Variants in SLC12A3 observed in about 807,000 individuals in gnomAD.
SLC12A3 encodes the protein solute carrier family 12 member 3.
A neutral mutation model predicts 121.0 loss-of-function variants in SLC12A3; 104 were observed. The observed-to-expected ratio is 0.86, with a 90% CI of 0.73 to 1.01. The LOEUF (loss-of-function observed/expected upper bound fraction) is 1.01. SLC12A3 is among the 50% of genes least tolerant of loss of function. The pLI is 0.00. For missense variants in SLC12A3, 1,328 were observed against 1,356.3 expected, an observed-to-expected ratio of 0.98 and a Z score of 0.33; for synonymous variants, 536 against 533.4, an observed-to-expected ratio of 1.00 and a Z score of -0.07.
chr16:56,890,960 G>C (rs1344231933), intron 19 of SLC12A3, among the ~76,000 whole-genome samples: 1 of 151,686 alleles, frequency 6.6e-6, no homozygotes, highest in Non-Finnish European at 1.5e-5. Flanking sequence ...GAAAATGCCT[G>C]CAGGAAGATG....
intron 5 of SLC12A3, 105 bp downstream of exon 5, chr16:56,870,340 C>T: frequency 7.8e-7 from 1 of 1,280,996 alleles, no homozygotes; most frequent in Non-Finnish European, 1.1e-6. Context: ...CCTGACTTCA[C>T]CCATCAGGAA....
rs374757689 is a variant in SLC12A3 at position 56,865,565 on chromosome 16, G to A, written c.282+48G>A. ...GGCCACTTCCCTGCTGTGTGACCTC[G>A]ACCCAGCTACCTAACCTCTCTGAGC... On this transcript the variant is annotated intron_variant, in intron 1 of 25. Transcript: ENST00000563236. The A allele has an allele frequency of 7.9e-5, 125 of 1,586,758 alleles. 1 individual carries two copies. Among genetic ancestry groups the A allele is most frequent in the Non-Finnish European group, 9.2e-5 (107 of 1,166,476 alleles).
chr16:56,893,983 ATTTAT>A (rs2144746846), intron 21 of SLC12A3, among the ~76,000 whole-genome samples: 1 of 113,832 alleles, frequency 8.8e-6, no homozygotes, highest in South Asian at 2.6e-4. Flanking sequence ...TTATTTATTT[ATTTAT>A]TTATTTATTT....
chr16:56,908,557 C>T (rs1194050043), intron 25 of SLC12A3, among the ~76,000 whole-genome samples: 2 of 152,168 alleles, frequency 1.3e-5, no homozygotes, highest in Non-Finnish European at 2.9e-5. Context: ...AATGTCAAGA[C>T]GGTGAGAGCA....
At chr16:56,869,434 T>A (rs1964438414) in intron 3 of SLC12A3, among the ~76,000 whole-genome samples, 1 of 152,112 alleles carries the variant, frequency 6.6e-6, no homozygotes, top group African/African-American at 2.4e-5. Context: ...TTCAAGCGAT[T>A]CTCCTGCCTC....
At chr16:56,895,395 T>C (rs1390010911) in intron 22 of SLC12A3, among the ~76,000 whole-genome samples, 1 of 150,832 alleles carries the variant, frequency 6.6e-6, no homozygotes, top group Non-Finnish European at 1.5e-5. Context: ...GGTTTCGCCA[T>C]GTTGGCTAGG....
rs149259406 is a variant in SLC12A3, at chr16:56,870,217, C to T, written c.723C>T (p.Thr241=). ...VAMHTVGFAE[T]VRDLLQEYGA... ...TGCACACGGTGGGCTTTGCAGAGAC[C>T]GTGCGGGACCTGCTCCAGGTGAGGC... The change falls in exon 5 of 26, where the codon ACC becomes ACT. Residue 241 remains threonine (T), a synonymous_variant. Transcript: ENST00000563236. 226 of 1,613,692 alleles carry T rather than the reference C, an allele frequency of 1.4e-4. No homozygotes were observed. In the African/African-American group the frequency reaches 2.1e-3, roughly 15 times the overall value.
Position 56,869,804 on chromosome 16 carries a change from C to T in SLC12A3, c.581C>T (p.Thr194Ile). ...ITGLSISAIS[T>I]NGKVKSGGTY... ...GGCCTCTCCATCTCAGCCATCTCCA[C>T]CAATGGCAAGGTCAAGTCAGGTGGG... Residue 194 changes from threonine to isoleucine, a missense_variant, in exon 4 of 26, where the codon ACC becomes ATC. Physicochemically the swap from Thr to Ile is moderately conservative, Grantham distance 89 (BLOSUM62 -1). Coordinates refer to ENST00000563236, the MANE Select transcript of SLC12A3 (RefSeq NM_001126108.2). 6.2e-7 allele frequency: 1 copy of T among 1,614,016 alleles called. No homozygotes were observed. The highest frequency in any genetic ancestry group is 8.5e-7 in the Non-Finnish European group (1 of 1,179,910).
Position 56,893,005 on chromosome 16 carries a change from G to A in SLC12A3, c.2472G>A (p.Ser824=), listed in dbSNP as rs780175485. Residue 824 remains serine, a synonymous_variant, in exon 21 of 26, where the codon TCG becomes TCA. Transcript: ENST00000563236. ...KEEQATTIFQ[S]EQGKKTIDIY... The stretch of plus-strand genomic sequence containing the variant: ...AGCAGGCCACCACCATCTTCCAGTC[G>A]GAGCAGGGCAAGAAGACCATAGACA... The A allele has an allele frequency of 1.4e-5, 23 of 1,614,090 alleles. No homozygotes were observed. The East Asian group carries it at 2.2e-4, about 16-fold the overall frequency.
intron 3 of SLC12A3, among the ~76,000 whole-genome samples, chr16:56,869,415 C>T (rs1374024543): frequency 1.3e-5 from 2 of 152,098 alleles, no homozygotes; most frequent in Non-Finnish European, 1.5e-5. Flanking sequence ...GCAACCTCCG[C>T]CTCCTGGGTT....
chr16:56,879,418 G>A (rs1462647233), intron 10 of SLC12A3, 124 bp from the exon 11 acceptor site: 1 of 1,060,790 alleles, frequency 9.4e-7, no homozygotes, highest in Non-Finnish European at 1.4e-6. Flanking sequence ...CTCCAGGGGT[G>A]GGTTGTGGAC....
At chr16:56,882,551 C>T in intron 13 of SLC12A3, 54 bp downstream of exon 13, 1 of 1,389,802 alleles carries the variant, frequency 7.2e-7, no homozygotes, top group Non-Finnish European at 1.0e-6. Context: ...GCAGGAGGAA[C>T]TGGGGCATGG....
At chr16:56,868,732 G>T (rs1259932753) in intron 3 of SLC12A3, among the ~76,000 whole-genome samples, 3 of 152,208 alleles carry the variant, frequency 2.0e-5, no homozygotes, top group Non-Finnish European at 4.4e-5. Flanking sequence ...AGCACTTTGG[G>T]AGGCCGAGGC....
chr16:56,912,143 C>T (rs1332334298), intron 25 of SLC12A3, among the ~76,000 whole-genome samples: 8 of 152,218 alleles, frequency 5.3e-5, no homozygotes, highest in Non-Finnish European at 1.0e-4. Flanking sequence ...GGGGGATGTA[C>T]TTGGGGAAAA....
chr16:56,878,233 A>T, intron 9 of SLC12A3, 72 bp downstream of exon 9: 1 of 1,170,134 alleles, frequency 8.5e-7, no homozygotes, highest in Non-Finnish European at 1.3e-6. Flanking sequence ...CAAAACCCTG[A>T]CCACTGGAGG....
intron 25 of SLC12A3, among the ~76,000 whole-genome samples, chr16:56,909,082 T>C (rs1408632726): frequency 6.6e-6 from 1 of 152,240 alleles, no homozygotes. Context: ...TTCTCTTTCA[T>C]GCTAACATGC....
intron 21 of SLC12A3, among the ~76,000 whole-genome samples, chr16:56,893,388 C>T (rs1214229667): frequency 1.3e-5 from 2 of 152,000 alleles, no homozygotes; most frequent in Non-Finnish European, 2.9e-5. Context: ...TATAACCTCT[C>T]CCATTAAAAA....
chr16:56,872,861 A>G, intron 8 of SLC12A3, 75 bp downstream of exon 8: 1 of 1,589,538 alleles, frequency 6.3e-7, no homozygotes, highest in African/African-American at 1.3e-5. Flanking sequence ...CCCCTGCTCT[A>G]GTGGCATCTG....
At position 56,887,154 on chromosome 16, in the gene SLC12A3, A is replaced by G. The variant is rs377305219; in HGVS notation, c.2178+61A>G. 3.0e-5 allele frequency: 48 copies of G among 1,610,566 alleles called. No individual in the cohort carries two copies. In the African/African-American group the frequency reaches 5.3e-4, roughly 18 times the overall value. Reference sequence around the variant, plus strand: ...GGCTTGGTGGCACAACCTGGAAGGCAGAAAGTCTTGGCGGCCCCTTTGCTT... The same window carrying G: ...GGCTTGGTGGCACAACCTGGAAGGCGGAAAGTCTTGGCGGCCCCTTTGCTT... On this transcript the variant is annotated intron_variant, in intron 17 of 25. Coordinates refer to ENST00000563236, the MANE Select transcript of SLC12A3 (RefSeq NM_001126108.2).
Sources: gnomAD v4.1 joint callset for allele counts (sites outside exome capture counted in the v4.1 genomes callset) on GRCh38, gnomAD v4.1.1 for gene constraint, MANE v1.5 for transcripts, NCBI Gene and HGNC (gene_info 2026-07-23, HGNC 2026-07-21) for gene names.